Variants in PTPRT observed in about 807,000 individuals in gnomAD.
PTPRT encodes the protein protein tyrosine phosphatase receptor type T.
In PTPRT, 56 loss-of-function variants were observed where a neutral mutation model predicts 176.8. The ratio of observed to expected loss-of-function variants is 0.32; its 90% CI spans 0.26 to 0.40. The LOEUF (loss-of-function observed/expected upper bound fraction) is 0.40, where lower values mean the gene tolerates loss of function less well. Ranked by LOEUF, PTPRT falls within the 10% of genes least tolerant of loss-of-function variation. The probability of loss-of-function intolerance (pLI) is 1.00; values close to 1 mark genes in which losing one functional copy is unlikely to be tolerated. For missense variants in PTPRT, 1,540 were observed against 1,908.2 expected (o/e 0.81, Z 3.60); for synonymous variants, 783 against 739.0 (o/e 1.06, Z -0.96).
In PTPRT at chr20:42,484,976, A is replaced by C. The variant is rs140405125; in HGVS notation, c.1154-12414T>G. 8.4e-3 allele frequency among the ~76,000 whole-genome samples: 1,285 copies of C among 152,284 alleles called. 8 individuals carry two copies. The highest frequency in any genetic ancestry group is 0.02 in the Middle Eastern group (6 of 294). The stretch of plus-strand genomic sequence containing the variant: ...GCCCCATCCAGATGCAGTCCCCTGG[A>C]CTGTGGCTGAGCCAGGGAGCAGGGT... On this transcript the variant is annotated intron_variant, in intron 7 of 30. Coordinates refer to ENST00000373187, the MANE Select transcript of PTPRT (RefSeq NM_007050.6).
At chr20:42,752,914 G>A (rs1209034633) in intron 6 of PTPRT, among the ~76,000 whole-genome samples, 2 of 152,090 alleles carry the variant, frequency 1.3e-5, no homozygotes, top group Non-Finnish European at 2.9e-5. Flanking sequence ...CTCCTGAGGG[G>A]GTCCCTGCCT....
At chr20:43,139,494 C>T (rs1268173796) in intron 1 of PTPRT, among the ~76,000 whole-genome samples, 1 of 152,214 alleles carries the variant, frequency 6.6e-6, no homozygotes, top group Non-Finnish European at 1.5e-5. Flanking sequence ...AACACTCTAA[C>T]AACAAAGAAC....
intron 13 of PTPRT, among the ~76,000 whole-genome samples, chr20:42,262,878 G>C (rs1382007313): frequency 6.6e-6 from 1 of 152,194 alleles, no homozygotes; most frequent in Non-Finnish European, 1.5e-5. Context: ...TTTGTGCCAA[G>C]TGGCCCACCC....
chr20:42,762,501 G>C (rs144229428), intron 5 of PTPRT, among the ~76,000 whole-genome samples: 1 of 152,196 alleles, frequency 6.6e-6, no homozygotes, highest in Non-Finnish European at 1.5e-5. Flanking sequence ...ACCATGTCCT[G>C]AGGATGAGCA....
At chr20:42,908,546 T>C (rs1356064045) in intron 1 of PTPRT, among the ~76,000 whole-genome samples, 2 of 152,316 alleles carry the variant, frequency 1.3e-5, no homozygotes, top group South Asian at 2.1e-4. Flanking sequence ...ACAATAATTT[T>C]GCAATATCAT....
chr20:42,214,515 A>T (rs888012145), intron 15 of PTPRT, among the ~76,000 whole-genome samples: 2 of 152,222 alleles, frequency 1.3e-5, no homozygotes, highest in Admixed American at 6.5e-5. Context: ...CAGCAGCAGC[A>T]ACAGCAGCAG....
intron 7 of PTPRT, among the ~76,000 whole-genome samples, chr20:42,499,784 A>G (rs2145412197): frequency 6.6e-6 from 1 of 152,278 alleles, no homozygotes; most frequent in Non-Finnish European, 1.5e-5. Context: ...ATTGAAAATA[A>G]CCCTTGTATA....
At chr20:42,504,353 C>T (rs897669631) in intron 7 of PTPRT, among the ~76,000 whole-genome samples, 5 of 152,078 alleles carry the variant, frequency 3.3e-5, no homozygotes, top group Admixed American at 6.6e-5. Flanking sequence ...AACCATCTCA[C>T]TGACAGATTT....
At chr20:42,227,267 A>G (rs1015062514) in intron 15 of PTPRT, among the ~76,000 whole-genome samples, 1 of 152,132 alleles carries the variant, frequency 6.6e-6, no homozygotes, top group Non-Finnish European at 1.5e-5. Flanking sequence ...TTGAATGGTG[A>G]TGCAGTTGGA....
At chr20:42,182,636 T>A (rs148157885) in intron 16 of PTPRT, among the ~76,000 whole-genome samples, 2 of 152,180 alleles carry the variant, frequency 1.3e-5, no homozygotes, top group African/African-American at 4.8e-5. Context: ...GGTTTCACCT[T>A]GGAAAAACTC....
At chr20:42,442,359 C>T (rs2059324001) in intron 9 of PTPRT, among the ~76,000 whole-genome samples, 1 of 152,118 alleles carries the variant, frequency 6.6e-6, no homozygotes, top group African/African-American at 2.4e-5. Flanking sequence ...ATTGACAAAC[C>T]CTCTGACCTA....
At chr20:42,814,640 T>C (rs2077752523) in intron 2 of PTPRT, among the ~76,000 whole-genome samples, 1 of 152,158 alleles carries the variant, frequency 6.6e-6, no homozygotes, top group South Asian at 2.1e-4. Flanking sequence ...AGGAAGCAAA[T>C]GTCATGACTG....
intron 9 of PTPRT, among the ~76,000 whole-genome samples, chr20:42,420,210 C>T (rs2059105816): frequency 6.6e-6 from 1 of 152,060 alleles, no homozygotes; most frequent in South Asian, 2.1e-4. Flanking sequence ...TACCAACAGG[C>T]ACAATTTCAA....
chr20:42,159,400 A>G (rs1989491350), intron 17 of PTPRT, among the ~76,000 whole-genome samples: 1 of 151,192 alleles, frequency 6.6e-6, no homozygotes, highest in African/African-American at 2.4e-5. Flanking sequence ...TCTTGGATAT[A>G]TGGCTTGAAA....
intron 7 of PTPRT, among the ~76,000 whole-genome samples, chr20:42,498,160 C>T (rs2071687818): frequency 3.3e-5 from 5 of 152,072 alleles, no homozygotes; most frequent in Non-Finnish European, 1.5e-5. Context: ...AAGTGATGTA[C>T]TGGAAAGATG....
At chr20:42,538,916 C>T (rs974415039) in intron 7 of PTPRT, among the ~76,000 whole-genome samples, 2 of 152,176 alleles carry the variant, frequency 1.3e-5, no homozygotes, top group Non-Finnish European at 2.9e-5. Flanking sequence ...TTTTGGCAAA[C>T]TCCTATTCAT....
At chr20:42,901,566 GTC>G (rs1052107849) in intron 1 of PTPRT, among the ~76,000 whole-genome samples, 1 of 152,080 alleles carries the variant, frequency 6.6e-6, no homozygotes, top group Admixed American at 6.5e-5. Context: ...GTCCCCCACG[GTC>G]TCTGTCTTGT....
chr20:42,232,858 T>C (rs1302361651), intron 15 of PTPRT, among the ~76,000 whole-genome samples: 2 of 148,232 alleles, frequency 1.3e-5, no homozygotes, highest in Non-Finnish European at 3.0e-5. Flanking sequence ...ATCCTACTCA[T>C]GGTCCCCAGG....
At chr20:42,365,177 C>G (rs1357185164) in intron 9 of PTPRT, among the ~76,000 whole-genome samples, 1 of 152,218 alleles carries the variant, frequency 6.6e-6, no homozygotes, top group East Asian at 1.9e-4. Context: ...TCTTTTCCCA[C>G]TAAGTGTTCG....
Sources: allele counts gnomAD v4.1 joint callset (sites outside exome capture counted in the v4.1 genomes callset), GRCh38; gene constraint gnomAD v4.1.1; transcripts MANE v1.5; gene names NCBI Gene and HGNC (gene_info 2026-07-23, HGNC 2026-07-21).